The following GYS1 variants were observed in gnomAD, a reference collection of about 807,000 sequenced individuals.
GYS1 encodes the protein glycogen synthase 1.
A neutral mutation model predicts 89.1 loss-of-function variants in GYS1; 60 were observed. The ratio of observed to expected loss-of-function variants is 0.67; its 90% CI spans 0.55 to 0.84. The LOEUF (loss-of-function observed/expected upper bound fraction) is 0.84. Ranked by LOEUF, GYS1 falls within the 40% of genes least tolerant of loss-of-function variation. The probability of loss-of-function intolerance (pLI) is 0.00; values close to 1 mark genes in which losing one functional copy is unlikely to be tolerated. For synonymous variants in GYS1, 366 were observed against 401.7 expected (o/e 0.91, Z 1.06); for missense variants, 888 against 1,003.1 (o/e 0.89, Z 1.55).
rs1351335750 is a variant in GYS1, at chr19:48,991,761, G to A, written c.119-278C>T. ...TCAGGCTAGACTTCTGGGTCTGAGAGAGAAGGGGCTGGGTGCCGGGACCCC... is the reference window on the plus strand; with the variant it reads ...TCAGGCTAGACTTCTGGGTCTGAGAAAGAAGGGGCTGGGTGCCGGGACCCC... On this transcript the variant is annotated intron_variant, in intron 1 of 15. Coordinates refer to ENST00000323798, the MANE Select transcript of GYS1 (RefSeq NM_002103.5). This position sits in a 1 kb window ranked among gnomAD's most constrained non-coding sequence, Gnocchi z 4.7. 1.3e-5 allele frequency among the ~76,000 whole-genome samples: 2 copies of A among 152,114 alleles called. No homozygotes were observed. Among genetic ancestry groups the A allele is most frequent in the African/African-American group, 2.4e-5 (1 of 41,404 alleles).
chr19:48,992,539 G>A (rs1448900106), intron 1 of GYS1, among the ~76,000 whole-genome samples: 2 of 60,752 alleles, frequency 3.3e-5, no homozygotes, highest in Non-Finnish European at 6.2e-5. Context: ...CAGATCCTCA[G>A]GTCCTCCCAC....
chr19:48,989,177 A>C (rs1341223999), intron 2 of GYS1, among the ~76,000 whole-genome samples: 1 of 150,946 alleles, frequency 6.6e-6, no homozygotes. Context: ...GCTGGAGTGC[A>C]GTGGTGCAAT....
intron 10 of GYS1, among the ~76,000 whole-genome samples, chr19:48,975,533 C>T (rs2038632129): frequency 6.6e-6 from 1 of 151,982 alleles, no homozygotes; most frequent in Admixed American, 6.6e-5. Context: ...TTAAAGAAAC[C>T]CAAAGGAAAT....
At position 48,990,001 on chromosome 19, in the gene GYS1, G is replaced by GC. The variant is rs1258708002; in HGVS notation, c.300+1300_300+1301insG. 2.9e-4 allele frequency among the ~76,000 whole-genome samples: 37 copies of GC among 125,690 alleles called. No individual in the cohort carries two copies. The South Asian group carries it at 5.2e-3, about 18-fold the overall frequency. The allele number at this position is 125,690 out of a possible 152,430, so 82.5% of individuals were successfully genotyped here. A position where few individuals can be genotyped will look rare whatever the true frequency, so the allele number is the denominator to read the frequency against. On this transcript the variant is annotated intron_variant, in intron 2 of 15. Transcript: ENST00000323798. ...CAGCTGTTGTCTGCCCTTTTGCTGG[G>GC]GGGGGGGGGGGGCTATTCTTAGGCC... is the stretch of plus-strand genomic sequence containing the variant.
Position 48,993,028 on chromosome 19 carries a change from G to C in GYS1, c.85C>G (p.Leu29Val). The C allele has an allele frequency of 6.2e-7, 1 of 1,612,024 alleles. No homozygotes were observed. Among genetic ancestry groups the C allele is most frequent in the African/African-American group, 1.3e-5 (1 of 75,012 alleles). Residue 29 changes from leucine (L) to valine (V), a missense_variant, in exon 1 of 16, where the codon CTC (leucine) becomes GTC (valine). Leu to Val is a conservative substitution (Grantham distance 32). Transcript: ENST00000323798. ...EDEFDLENAVLFEVAWEVANK... is the reference protein window; with the variant it reads ...EDEFDLENAVVFEVAWEVANK... ...GCCACCTCCCAGGCCACTTCGAAGA[G>C]CACTGCGTTCTCCAGGTCGAATTCA...
At chr19:48,969,878 G>A (rs1398849383) in intron 14 of GYS1, 23 bp from the exon 15 acceptor site, 6 of 1,551,538 alleles carry the variant, frequency 3.9e-6, no homozygotes, top group East Asian at 2.2e-5. Flanking sequence ...AGGAGAGGGG[G>A]CAGAGGATGT....
In GYS1 at chr19:48,970,577, G is replaced by A. The variant is rs1284638458; in HGVS notation, c.1778C>T (p.Ser593Phe). Residue 593 changes from serine (S) to phenylalanine (F), a missense_variant, in exon 14 of 16, where the codon TCC becomes TTC. Ser to Phe is a radical substitution (Grantham distance 155). Coordinates refer to ENST00000323798, the MANE Select transcript of GYS1 (RefSeq NM_002103.5). ...IIQRNRTERL[S>F]DLLDWKYLGR... ...TAGGTATTTCCAGTCCAGAAGGTCG[G>A]AGAGGCGCTCCGTGCGGTTCCGCTG... The A allele has an allele frequency of 2.3e-5, 37 of 1,613,736 alleles. No homozygotes were observed. Among genetic ancestry groups the A allele is most frequent in the Non-Finnish European group, 3.1e-5 (37 of 1,179,914 alleles).
At position 48,969,152 on chromosome 19, in the gene GYS1, G is replaced by A. The variant is rs1490596392; in HGVS notation, c.*136C>T. 3.1e-5 allele frequency: 23 copies of A among 742,374 alleles called. No individual in the cohort carries two copies. The African/African-American group carries it at 3.4e-4, about 11-fold the overall frequency. The allele number at this position is 742,374 out of a possible 1,614,324, so 46.0% of individuals were successfully genotyped here. ...AAACTGGAGCTGGAGGGGGTGGAGT[G>A]TTTGGCGGACTGGGTGGGGGCACTG... is the stretch of plus-strand genomic sequence containing the variant. On this transcript the variant is annotated 3_prime_UTR_variant, in exon 16 of 16. Transcript: ENST00000323798.
chr19:48,978,066 G>GGA, intron 9 of GYS1, 32 bp downstream of exon 9: 2 of 1,610,450 alleles, frequency 1.2e-6, no homozygotes, highest in Non-Finnish European at 1.7e-6. Context: ...TCAGGGCCTA[G>GGA]GAGGGCACAG....
intron 12 of GYS1, 102 bp downstream of exon 12, chr19:48,974,110 CA>C (rs1260393072): frequency 1.4e-5 from 18 of 1,271,330 alleles, no homozygotes; most frequent in Non-Finnish European, 1.0e-5. Context: ...TCCTGTTTTG[CA>C]AAGAAGGCAA....
chr19:48,980,348 A>C lies in GYS1; in HGVS notation c.1169+1182T>G, dbSNP rs562665773. On this transcript the variant is annotated intron_variant, in intron 8 of 15. Coordinates refer to ENST00000323798, the MANE Select transcript of GYS1 (RefSeq NM_002103.5). ...AAATTCCGTCTACAGGATTTTCTAG[A>C]ATACAAGCTCCATGAGGAAAGGGAT... Among the ~76,000 whole-genome samples, 8 of 152,266 alleles carry C rather than the reference A, an allele frequency of 5.3e-5. No homozygotes were observed. In the East Asian group the frequency reaches 1.5e-3, roughly 29 times the overall value.
At chr19:48,990,096 C>T (rs770384320) in intron 2 of GYS1, among the ~76,000 whole-genome samples, 18 of 149,836 alleles carry the variant, frequency 1.2e-4, no homozygotes, top group Non-Finnish European at 1.9e-4. Context: ...GGGACACAGT[C>T]GGACCTGAAT....
chr19:48,974,693 T>C lies in GYS1; in HGVS notation c.1349A>G (p.Asp450Gly). Residue 450 changes from aspartate to glycine, a missense_variant, in exon 11 of 16, where the codon GAT becomes GGT. By Grantham distance (94) the Asp-to-Gly change is moderately conservative. Coordinates refer to ENST00000323798, the MANE Select transcript of GYS1 (RefSeq NM_002103.5). ...GGTCAGGATGGGGTCTGAGGAGTCA[T>C]CCAGCATATTGTGGGTGCACACAGG... ...FPPVCTHNML[D>G]DSSDPILTTI... 1 of 1,613,912 alleles carries C rather than the reference T, an allele frequency of 6.2e-7. No individual in the cohort carries two copies. The highest frequency in any genetic ancestry group is 8.5e-7 in the Non-Finnish European group (1 of 1,179,944).
At chr19:48,979,336 C>CTTTTTATTTT (rs2038712241) in intron 8 of GYS1, among the ~76,000 whole-genome samples, 1 of 92,750 alleles carries the variant, frequency 1.1e-5, no homozygotes, top group African/African-American at 3.8e-5. Flanking sequence ...TTTTTCTTTT[C>CTTTTTATTTT]TTTTTTTTTT....
intron 10 of GYS1, 51 bp downstream of exon 10, chr19:48,977,873 T>A (rs890296332): frequency 1.4e-6 from 2 of 1,434,534 alleles, no homozygotes; most frequent in African/African-American, 2.8e-5. Flanking sequence ...GCAAGCTGCC[T>A]CTGGGGCTGC....
intron 3 of GYS1, among the ~76,000 whole-genome samples, 172 bp from the exon 4 acceptor site, chr19:48,986,207 G>A (rs1236807559): frequency 6.6e-6 from 1 of 152,156 alleles, no homozygotes; most frequent in Non-Finnish European, 1.5e-5. Context: ...AAATCCCTGA[G>A]GCAGCCCAGG....
rs1206599599 is a variant in GYS1, at chr19:48,991,571, A to G, written c.119-88T>C. The G allele has an allele frequency of 7.1e-7, 1 of 1,401,898 alleles. No individual in the cohort carries two copies. The highest frequency in any genetic ancestry group is 1.2e-5 in the South Asian group (1 of 86,458). 86.8% of individuals were successfully genotyped at this position (1,401,898 alleles called of 1,614,324 possible). A position where few individuals can be genotyped will look rare whatever the true frequency, so the allele number is the denominator to read the frequency against. On this transcript the variant is annotated intron_variant, in intron 1 of 15. Transcript: ENST00000323798. This position sits in a 1 kb window ranked among gnomAD's most constrained non-coding sequence, Gnocchi z 4.7. Reference sequence around the variant, plus strand: ...GGGGTGGGCCGGGGATGTAGGGGGCACTCAGGCCCCAGACCTCTAGCTCAG... The same window carrying G: ...GGGGTGGGCCGGGGATGTAGGGGGCGCTCAGGCCCCAGACCTCTAGCTCAG...
At chr19:48,971,100 C>T (rs2038558757) in intron 12 of GYS1, 77 bp from the exon 13 acceptor site, 2 of 966,232 alleles carry the variant, frequency 2.1e-6, no homozygotes. Flanking sequence ...CGCCTCAACA[C>T]CGCCCTCTAC....
Position 48,987,174 on chromosome 19 carries a change from A to C in GYS1, c.492+20T>G, listed in dbSNP as rs777138367. 17 of 1,564,548 alleles carry C rather than the reference A, an allele frequency of 1.1e-5. No homozygotes were observed. The highest frequency in any genetic ancestry group is 2.2e-5 in the East Asian group (1 of 44,622). On this transcript the variant is annotated intron_variant, in intron 3 of 15. Transcript: ENST00000323798. The stretch of plus-strand genomic sequence containing the variant: ...CATTGTAGTTTCAGGTATGGGTGGA[A>C]TGTGTCAGACGGGGCCTACCTCACC...
Sources: allele counts gnomAD v4.1 joint callset (sites outside exome capture counted in the v4.1 genomes callset), GRCh38; gene constraint gnomAD v4.1.1; non-coding constraint Gnocchi (gnomAD v3.1); transcripts MANE v1.5; gene names NCBI Gene and HGNC (gene_info 2026-07-23, HGNC 2026-07-21).